Variants in FAM120C observed in about 807,000 individuals in gnomAD.
FAM120C encodes family with sequence similarity 120 member C, also known as constitutive coactivator of PPAR-gamma-like protein 2.
A neutral mutation model predicts 71.2 loss-of-function variants in FAM120C; 14 were observed. The observed-to-expected ratio is 0.20, with a 90% CI of 0.13 to 0.31. The LOEUF (loss-of-function observed/expected upper bound fraction) is 0.31, where lower values mean the gene tolerates loss of function less well. Ranked by LOEUF, FAM120C falls within the 10% of genes least tolerant of loss-of-function variation. The pLI is 1.00. For synonymous variants in FAM120C, 354 were observed against 353.2 expected (o/e 1.00, Z -0.03); for missense variants, 500 against 879.0 (o/e 0.57, Z 5.45).
chrX:54,152,627 T>C (rs2067189638), intron 3 of FAM120C, among the ~76,000 whole-genome samples: 2 of 112,795 alleles, frequency 1.8e-5, no homozygotes, highest in Non-Finnish European at 3.7e-5. Flanking sequence ...TTGCCCACTT[T>C]CCAATTATTT....
At chrX:54,181,412 C>A (rs1292739779) in intron 1 of FAM120C, among the ~76,000 whole-genome samples, 2 of 111,349 alleles carry the variant, frequency 1.8e-5, no homozygotes, top group Non-Finnish European at 3.8e-5. Flanking sequence ...TTGCTATTCT[C>A]TACACGTAGG....
At chrX:54,096,790 G>A (rs1021458292) in intron 10 of FAM120C, among the ~76,000 whole-genome samples, 2 of 111,148 alleles carry the variant, frequency 1.8e-5, no homozygotes, top group Non-Finnish European at 3.8e-5. Context: ...CATTCCCTTA[G>A]CATAGATTCC....
At chrX:54,175,700 T>C (rs1964061160) in intron 1 of FAM120C, among the ~76,000 whole-genome samples, 2 of 110,889 alleles carry the variant, frequency 1.8e-5, no homozygotes, top group African/African-American at 6.6e-5. Context: ...AATATAATAG[T>C]AGCTGGCATT....
At chrX:54,142,548 T>C (rs1441209546) in intron 4 of FAM120C, among the ~76,000 whole-genome samples, 1 of 111,400 alleles carries the variant, frequency 9.0e-6, no homozygotes, top group Non-Finnish European at 1.9e-5. Context: ...GGGAGGGGCG[T>C]CCGCCATTGC....
intron 11 of FAM120C, among the ~76,000 whole-genome samples, chrX:54,088,613 A>AC (rs35296457): frequency 5.7e-5 from 6 of 104,486 alleles, no homozygotes; most frequent in East Asian, 6.0e-4. Context: ...AAAAAAAAAA[A>AC]CGAAAGAAAG....
intron 15 of FAM120C, among the ~76,000 whole-genome samples, chrX:54,079,460 G>A (rs1326156673): frequency 9.1e-6 from 1 of 109,714 alleles, no homozygotes; most frequent in African/African-American, 3.3e-5. Context: ...GAGAGAGAGA[G>A]AGAGAAAGAA....
chrX:54,157,566 TA>T, intron 3 of FAM120C, 122 bp downstream of exon 3: 1 of 528,992 alleles, frequency 1.9e-6, no homozygotes, highest in Non-Finnish European at 3.1e-6. Context: ...CCATAACTAA[TA>T]TTTTTTTCTT....
chrX:54,176,193 G>A (rs1478517422), intron 1 of FAM120C, among the ~76,000 whole-genome samples: 2 of 111,122 alleles, frequency 1.8e-5, no homozygotes, highest in African/African-American at 6.6e-5. Context: ...AGCGCTTTGG[G>A]TGGCTGATGC....
At chrX:54,103,083 G>T (rs1400485349) in intron 10 of FAM120C, among the ~76,000 whole-genome samples, 1 of 111,503 alleles carries the variant, frequency 9.0e-6, no homozygotes, top group Non-Finnish European at 1.9e-5. Flanking sequence ...TGGGAATTTG[G>T]ATTCCATTGC....
chrX:54,095,846 G>A (rs1289947514), intron 10 of FAM120C, among the ~76,000 whole-genome samples: 1 of 108,722 alleles, frequency 9.2e-6, no homozygotes, highest in Non-Finnish European at 1.9e-5. Flanking sequence ...AGAAGAGATG[G>A]GGTTTCACCA....
rs138508893 is a variant in FAM120C, at chrX:54,084,229, C to T, written c.2839+1486G>A. ...CAAAATAAAATCAACACATAAAGAA[C>T]GGAGAAAGGATCTGTAAAGTCATCT... On this transcript the variant is annotated intron_variant, in intron 13 of 15. Coordinates refer to ENST00000375180, the MANE Select transcript of FAM120C (RefSeq NM_017848.6). Among the ~76,000 whole-genome samples, 19 of 111,420 alleles carry T rather than the reference C, an allele frequency of 1.7e-4. No homozygotes were observed. The East Asian group carries it at 4.5e-3, about 26-fold the overall frequency.
In FAM120C at chrX:54,068,771, G is replaced by C. The variant is rs2066696833; in HGVS notation, c.*4262C>G. On this transcript the variant is annotated 3_prime_UTR_variant, in exon 16 of 16. Coordinates refer to ENST00000375180, the MANE Select transcript of FAM120C (RefSeq NM_017848.6). Reference sequence around the variant, plus strand: ...TACCTAGTGTGTTATTCTAAAAACAGAATAGAACAGAATAGAACAGAATAG... The same window carrying C: ...TACCTAGTGTGTTATTCTAAAAACACAATAGAACAGAATAGAACAGAATAG... The C allele has an allele frequency of 3.1e-5, 3 of 95,377 alleles. No individual in the cohort carries two copies. In the Admixed American group the frequency reaches 3.5e-4, roughly 11 times the overall value. The allele number at this position is 95,377 out of a possible 1,213,427, so 7.9% of individuals were successfully genotyped here. A position where few individuals can be genotyped will look rare whatever the true frequency, so the allele number is the denominator to read the frequency against.
intron 8 of FAM120C, among the ~76,000 whole-genome samples, 196 bp from the exon 9 acceptor site, chrX:54,133,059 A>G (rs1557129690): frequency 8.9e-6 from 1 of 112,701 alleles, no homozygotes; most frequent in Admixed American, 9.4e-5. Context: ...TTTCATTTTT[A>G]AAGTCTCAAC....
chrX:54,109,732 G>A (rs1244459724), intron 10 of FAM120C, among the ~76,000 whole-genome samples: 1 of 105,107 alleles, frequency 9.5e-6, no homozygotes, highest in Admixed American at 1.0e-4. Flanking sequence ...CAGGAGAATC[G>A]CTTGAACCCA....
intron 1 of FAM120C, among the ~76,000 whole-genome samples, chrX:54,182,148 G>C (rs2067353664): frequency 8.9e-6 from 1 of 112,259 alleles, no homozygotes; most frequent in Non-Finnish European, 1.9e-5. Flanking sequence ...AGGCATTTCA[G>C]TTTGAGGCAG....
At chrX:54,135,253 G>T in intron 6 of FAM120C, 142 bp from the exon 7 acceptor site, 1 of 616,802 alleles carries the variant, frequency 1.6e-6, no homozygotes, top group Non-Finnish European at 2.5e-6. Flanking sequence ...AATGAGAAAT[G>T]ATGTATGAAC....
chrX:54,082,523 C>G (rs1448108655), intron 13 of FAM120C, among the ~76,000 whole-genome samples: 1 of 109,777 alleles, frequency 9.1e-6, no homozygotes, highest in Non-Finnish European at 1.9e-5. Flanking sequence ...ATTCTCCTGC[C>G]TCAGCCTCCT....
intron 10 of FAM120C, among the ~76,000 whole-genome samples, chrX:54,096,007 A>T (rs1011824768): frequency 5.3e-5 from 6 of 112,386 alleles, no homozygotes; most frequent in Non-Finnish European, 1.1e-4. Context: ...ATACAAAAGT[A>T]TATTACAAAA....
Position 54,070,803 on chromosome X carries a change from T to C in FAM120C, c.*2230A>G, listed in dbSNP as rs1388119610. ...TGGTTAGATGTACACTCTTGTCATT[T>C]TTCTTTGGTTTATGTAAGAAGTATC... On this transcript the variant is annotated 3_prime_UTR_variant, in exon 16 of 16. Transcript: ENST00000375180. The C allele has an allele frequency of 8.9e-6, 1 of 111,961 alleles. No homozygotes were observed. Among genetic ancestry groups the C allele is most frequent in the Non-Finnish European group, 1.9e-5 (1 of 53,206 alleles). The allele number at this position is 111,961 out of a possible 1,213,427, so 9.2% of individuals were successfully genotyped here. A position where few individuals can be genotyped will look rare whatever the true frequency, so the allele number is the denominator to read the frequency against.
Sources: allele counts gnomAD v4.1 joint callset (sites outside exome capture counted in the v4.1 genomes callset), GRCh38; gene constraint gnomAD v4.1.1; transcripts MANE v1.5; gene names NCBI Gene and HGNC (gene_info 2026-07-23, HGNC 2026-07-21).